ARL15: variants seen among roughly 807,000 people sequenced by gnomAD.
The protein encoded by ARL15 is ADP-ribosylation factor-like protein 15.
A neutral mutation model predicts 25.2 loss-of-function variants in ARL15; 19 were observed. The ratio of observed to expected loss-of-function variants is 0.75; its 90% CI spans 0.53 to 1.10. The LOEUF (loss-of-function observed/expected upper bound fraction) is 1.10. Ranked by LOEUF, ARL15 falls within the 50% of genes least tolerant of loss-of-function variation. The pLI is 0.00. For missense variants in ARL15, 220 were observed against 246.0 expected, an observed-to-expected ratio of 0.89 and a Z score of 0.71; for synonymous variants, 94 against 86.8, an observed-to-expected ratio of 1.08 and a Z score of -0.46.
At chr5:54,080,625 T>C (rs941157770) in intron 4 of ARL15, among the ~76,000 whole-genome samples, 3 of 152,196 alleles carry the variant, frequency 2.0e-5, no homozygotes, top group African/African-American at 7.2e-5. Context: ...TATTTGAGCG[T>C]TAATAAATTT....
chr5:53,922,556 C>T (rs921309317), intron 4 of ARL15, among the ~76,000 whole-genome samples: 2 of 152,112 alleles, frequency 1.3e-5, no homozygotes. Flanking sequence ...ACGTTGGTGG[C>T]AGTGCTGTAG....
At chr5:53,975,200 A>G (rs1234908925) in intron 4 of ARL15, among the ~76,000 whole-genome samples, 1 of 152,046 alleles carries the variant, frequency 6.6e-6, no homozygotes, top group East Asian at 1.9e-4. Flanking sequence ...TTTCTCCCAT[A>G]TCAATTTGTA....
chr5:54,033,699 CT>C (rs1294942616), intron 4 of ARL15, among the ~76,000 whole-genome samples: 2 of 151,410 alleles, frequency 1.3e-5, no homozygotes, highest in African/African-American at 4.8e-5. Flanking sequence ...AAAGAAATCA[CT>C]TTAAAATCTT....
chr5:53,963,969 G>T (rs1747459350), intron 4 of ARL15, among the ~76,000 whole-genome samples: 1 of 152,176 alleles, frequency 6.6e-6, no homozygotes, highest in Admixed American at 6.5e-5. Context: ...TCGATTCAAA[G>T]ATTCCCTTGA....
intron 4 of ARL15, among the ~76,000 whole-genome samples, chr5:54,010,724 A>T (rs1327915932): frequency 2.6e-5 from 4 of 152,156 alleles, no homozygotes; most frequent in Non-Finnish European, 5.9e-5. Flanking sequence ...AATTTTAAAA[A>T]AATCAGGCCG....
At chr5:54,259,234 A>G (rs1561286056) in intron 1 of ARL15, among the ~76,000 whole-genome samples, 1 of 152,144 alleles carries the variant, frequency 6.6e-6, no homozygotes, top group Non-Finnish European at 1.5e-5. Flanking sequence ...CCACATACAC[A>G]CACATACTCA....
intron 1 of ARL15, among the ~76,000 whole-genome samples, chr5:54,309,308 A>T (rs1758837287): frequency 6.6e-6 from 1 of 152,194 alleles, no homozygotes; most frequent in African/African-American, 2.4e-5. Flanking sequence ...TAGGAGAAAC[A>T]TTTTCTTTAT....
At chr5:54,197,827 G>A (rs918355857) in intron 1 of ARL15, among the ~76,000 whole-genome samples, 2 of 151,868 alleles carry the variant, frequency 1.3e-5, no homozygotes, top group African/African-American at 4.8e-5. Flanking sequence ...ACCAAAGCTG[G>A]GCAGAGACAC....
intron 4 of ARL15, among the ~76,000 whole-genome samples, chr5:54,033,546 C>A (rs1363503922): frequency 2.8e-5 from 4 of 142,928 alleles, no homozygotes; most frequent in African/African-American, 1.0e-4. Context: ...GTGGCGCACA[C>A]CTATAATCCT....
At chr5:54,018,730 C>A (rs1749500430) in intron 4 of ARL15, among the ~76,000 whole-genome samples, 1 of 152,158 alleles carries the variant, frequency 6.6e-6, no homozygotes, top group East Asian at 1.9e-4. Context: ...TATTTACATT[C>A]CAAAACTAAG....
At chr5:54,256,657 T>C (rs1035169376) in intron 1 of ARL15, among the ~76,000 whole-genome samples, 3 of 149,124 alleles carry the variant, frequency 2.0e-5, no homozygotes, top group Non-Finnish European at 3.0e-5. Context: ...TACAGATCAA[T>C]TTCCCTGATG....
At chr5:54,028,648 T>A (rs2111878731) in intron 4 of ARL15, among the ~76,000 whole-genome samples, 1 of 152,286 alleles carries the variant, frequency 6.6e-6, no homozygotes, top group South Asian at 2.1e-4. Context: ...TAATTGGCAG[T>A]CTATCCATTG....
At chr5:54,161,835 A>G (rs1483647255) in intron 2 of ARL15, among the ~76,000 whole-genome samples, 3 of 152,158 alleles carry the variant, frequency 2.0e-5, no homozygotes, top group African/African-American at 4.8e-5. Flanking sequence ...CTGGAGGCCT[A>G]GTCCAGCTAT....
chr5:54,237,025 C>T (rs189943086), intron 1 of ARL15, among the ~76,000 whole-genome samples: 275 of 152,304 alleles, frequency 1.8e-3, no homozygotes, highest in Non-Finnish European at 2.5e-3. Flanking sequence ...CTTTTCACTT[C>T]TGATATGGTT....
At chr5:53,925,362 A>AT (rs1445840155) in intron 4 of ARL15, among the ~76,000 whole-genome samples, 8 of 151,754 alleles carry the variant, frequency 5.3e-5, no homozygotes, top group African/African-American at 1.2e-4. Flanking sequence ...TGCCTGGCTA[A>AT]TTTTTTTTAC....
At chr5:54,095,762 A>G (rs1752266287) in intron 4 of ARL15, among the ~76,000 whole-genome samples, 1 of 152,152 alleles carries the variant, frequency 6.6e-6, no homozygotes, top group South Asian at 2.1e-4. Flanking sequence ...GCTCATTTGT[A>G]AAAAGGGCCC....
intron 4 of ARL15, among the ~76,000 whole-genome samples, chr5:54,051,817 C>G (rs1245149063): frequency 6.6e-6 from 1 of 152,162 alleles, no homozygotes. Context: ...TTAAAACTTA[C>G]GTTCACACAA....
intron 4 of ARL15, among the ~76,000 whole-genome samples, chr5:53,974,415 T>C (rs1747863837): frequency 6.6e-6 from 1 of 152,236 alleles, no homozygotes; most frequent in Admixed American, 6.5e-5. Context: ...CCCTGCCCCT[T>C]TAAGGAATTT....
intron 1 of ARL15, among the ~76,000 whole-genome samples, chr5:54,186,588 C>T (rs1225022038): frequency 6.6e-6 from 1 of 152,158 alleles, no homozygotes; most frequent in Non-Finnish European, 1.5e-5. Flanking sequence ...TCAGCACCCA[C>T]AAATCACTTA....
Sources: gnomAD v4.1 joint callset for allele counts (sites outside exome capture counted in the v4.1 genomes callset) on GRCh38, gnomAD v4.1.1 for gene constraint, MANE v1.5 for transcripts, NCBI Gene and HGNC (gene_info 2026-07-23, HGNC 2026-07-21) for gene names.